The following MMP26 variants were observed in gnomAD, a reference collection of about 807,000 sequenced individuals.
MMP26 encodes the protein matrix metalloproteinase-26.
Under a neutral mutation model 31.0 loss-of-function variants are expected in MMP26, and 33 were observed. The observed-to-expected ratio is 1.06, with a 90% CI of 0.81 to 1.42. The LOEUF (loss-of-function observed/expected upper bound fraction) is 1.42. MMP26 is among the 40% of genes most tolerant of loss of function. The probability of loss-of-function intolerance (pLI) is 0.00; values close to 1 mark genes in which losing one functional copy is unlikely to be tolerated. For synonymous variants in MMP26, 122 were observed against 114.9 expected, an observed-to-expected ratio of 1.06 and a Z score of -0.40; for missense variants, 347 against 316.1, an observed-to-expected ratio of 1.10 and a Z score of -0.74.
At chr11:4,828,149 T>A (rs2133478033) in intron 2 of MMP26, among the ~76,000 whole-genome samples, 1 of 152,260 alleles carries the variant, frequency 6.6e-6, no homozygotes, top group South Asian at 2.1e-4. Flanking sequence ...TTGAATTATG[T>A]CTCCTATCTG....
intron 2 of MMP26, among the ~76,000 whole-genome samples, chr11:4,987,492 C>T (rs1262845951): frequency 6.6e-6 from 1 of 151,944 alleles, no homozygotes; most frequent in African/African-American, 2.4e-5. Context: ...GATCTCGGCT[C>T]ACTGCAAGCT....
chr11:4,764,164 T>C (rs1421863882), intron 1 of MMP26, among the ~76,000 whole-genome samples: 1 of 152,218 alleles, frequency 6.6e-6, no homozygotes, highest in African/African-American at 2.4e-5. Context: ...TGTAACTGTT[T>C]TGTTATTCAT....
At chr11:4,786,184 C>T (rs1454665011) in intron 2 of MMP26, among the ~76,000 whole-genome samples, 1 of 152,040 alleles carries the variant, frequency 6.6e-6, no homozygotes, top group Non-Finnish European at 1.5e-5. Context: ...GATCCAGACT[C>T]CAGGGAAGAG....
At chr11:4,819,106 A>C (rs1055638908) in intron 2 of MMP26, among the ~76,000 whole-genome samples, 1 of 152,200 alleles carries the variant, frequency 6.6e-6, no homozygotes, top group African/African-American at 2.4e-5. Context: ...GTATAGGAGG[A>C]AAAACAGTTA....
At chr11:4,724,905 T>A (rs771955193) in intron 1 of MMP26, among the ~76,000 whole-genome samples, 7 of 152,238 alleles carry the variant, frequency 4.6e-5, no homozygotes, top group African/African-American at 7.2e-5. Flanking sequence ...ATGGTTTGGA[T>A]CTGTGTTCCT....
At chr11:4,752,324 A>G (rs1848456228) in intron 1 of MMP26, 1 of 152,246 alleles carries the variant, frequency 6.6e-6, no homozygotes, top group Non-Finnish European at 1.5e-5. Flanking sequence ...TGATCAGCAG[A>G]TAGGAGAGCA....
intron 1 of MMP26, among the ~76,000 whole-genome samples, chr11:4,760,239 T>C (rs1397402213): frequency 6.6e-6 from 1 of 152,244 alleles, no homozygotes; most frequent in Non-Finnish European, 1.5e-5. Flanking sequence ...GACAAAATGA[T>C]ATTTCTGTGA....
intron 1 of MMP26, among the ~76,000 whole-genome samples, chr11:4,748,576 C>CAAA (rs376553434): frequency 0.015 from 1,860 of 122,638 alleles, 42 homozygotes; most frequent in African/African-American, 0.048. Context: ...AACAGCACAT[C>CAAA]AAAAAAAAAA....
chr11:4,882,942 C>G (rs752185442), intron 2 of MMP26: 69 of 1,370,666 alleles, frequency 5.0e-5, no homozygotes, highest in Non-Finnish European at 6.4e-5. Context: ...TTGGGGCAGT[C>G]TTATCCACAG....
chr11:4,924,256 C>G (rs1851235824), intron 2 of MMP26: 1 of 1,614,130 alleles, frequency 6.2e-7, no homozygotes, highest in Non-Finnish European at 8.5e-7. Flanking sequence ...GAATAGAGAT[C>G]CAGCCATGGA....
intron 2 of MMP26, among the ~76,000 whole-genome samples, chr11:4,936,760 A>T (rs1295276346): frequency 6.6e-6 from 1 of 152,160 alleles, no homozygotes; most frequent in Admixed American, 6.6e-5. Context: ...CACTAAAATA[A>T]ACAATGGAGA....
In MMP26 at chr11:4,947,965, G is replaced by A. The variant is rs112556717; in HGVS notation, c.-144-40103G>A. On this transcript the variant is annotated intron_variant, in intron 2 of 7. Transcript: ENST00000380390. ...AAGGCCAAGTCTAAGCAGAGATGCT[G>A]TGAGTTGATTCTGTATTCAAGGAAG... Among the ~76,000 whole-genome samples, 2 of 125,130 alleles carry A rather than the reference G, an allele frequency of 1.6e-5. 1 individual carries two copies. Among genetic ancestry groups the A allele is most frequent in the African/African-American group, 5.4e-5 (2 of 36,810 alleles). The allele number at this position is 125,130 out of a possible 152,430, so 82.1% of individuals were successfully genotyped here.
At chr11:4,750,396 T>A (rs1259215938) in intron 1 of MMP26, among the ~76,000 whole-genome samples, 5 of 152,184 alleles carry the variant, frequency 3.3e-5, no homozygotes, top group Non-Finnish European at 5.9e-5. Context: ...GAACTACTAT[T>A]TGAGCTGGCA....
intron 2 of MMP26, chr11:4,848,254 C>T (rs764252300): frequency 1.9e-6 from 3 of 1,607,586 alleles, no homozygotes; most frequent in South Asian, 2.2e-5. Context: ...GCACCACCCA[C>T]CTTCCTGGGC....
chr11:4,816,983 T>A (rs1849430585), intron 2 of MMP26, among the ~76,000 whole-genome samples: 1 of 151,932 alleles, frequency 6.6e-6, no homozygotes, highest in Admixed American at 6.6e-5. Flanking sequence ...GTGGGGTGCC[T>A]TCTTTTGTAG....
chr11:4,895,928 A>C (rs922879179), intron 2 of MMP26, among the ~76,000 whole-genome samples: 1 of 152,210 alleles, frequency 6.6e-6, no homozygotes, highest in African/African-American at 2.4e-5. Flanking sequence ...GGGAAAAAGT[A>C]CAAGGAGATT....
chr11:4,715,402 G>A (rs946155083), intron 1 of MMP26, among the ~76,000 whole-genome samples: 24 of 150,898 alleles, frequency 1.6e-4, no homozygotes, highest in Non-Finnish European at 2.8e-4. Context: ...TTGACTTAGA[G>A]TAGGTGATGC....
At chr11:4,931,095 CAG>C (rs1251977704) in intron 2 of MMP26, among the ~76,000 whole-genome samples, 2 of 151,750 alleles carry the variant, frequency 1.3e-5, no homozygotes, top group African/African-American at 4.8e-5. Context: ...GAGAGAGAGA[CAG>C]AGAATATTGC....
chr11:4,743,763 C>G (rs992278212), intron 1 of MMP26, among the ~76,000 whole-genome samples: 2 of 152,156 alleles, frequency 1.3e-5, no homozygotes, highest in African/African-American at 4.8e-5. Flanking sequence ...ATTTTAACAA[C>G]AGAATTATAC....
Sources: allele counts gnomAD v4.1 joint callset (sites outside exome capture counted in the v4.1 genomes callset), GRCh38; gene constraint gnomAD v4.1.1; transcripts MANE v1.5; gene names NCBI Gene and HGNC (gene_info 2026-07-23, HGNC 2026-07-21).